SUPT6H: variants seen among roughly 807,000 people sequenced by gnomAD.
SUPT6H encodes the protein SPT6 homolog, histone chaperone and transcription elongation factor, also known as transcription elongation factor SPT6.
Under a neutral mutation model 222.3 loss-of-function variants are expected in SUPT6H, and 11 were observed. That is an observed-to-expected ratio of 0.05 (90% CI 0.03 to 0.08). The LOEUF (loss-of-function observed/expected upper bound fraction) is 0.08, where lower values mean the gene tolerates loss of function less well. Among genes scored for constraint, SUPT6H ranks in the 10% least tolerant of loss-of-function variants. The pLI, the probability that SUPT6H is intolerant of heterozygous loss-of-function variation, is 1.00. For missense variants in SUPT6H, 1,422 were observed against 2,216.0 expected, an observed-to-expected ratio of 0.64 and a Z score of 7.19; for synonymous variants, 762 against 801.2, an observed-to-expected ratio of 0.95 and a Z score of 0.83.
chr17:28,684,776 C>T (rs1202548925), intron 18 of SUPT6H, 51 bp downstream of exon 18: 1 of 1,612,982 alleles, frequency 6.2e-7, no homozygotes, highest in Non-Finnish European at 8.5e-7. Flanking sequence ...TTCCTAATTT[C>T]ATTTTTCTCT....
intron 13 of SUPT6H, 68 bp from the exon 14 acceptor site, chr17:28,682,659 G>A: frequency 6.4e-7 from 1 of 1,573,290 alleles, no homozygotes; most frequent in Middle Eastern, 1.7e-4. Flanking sequence ...TCCAACTCCA[G>A]ATTCTGAAAG....
At chr17:28,667,698 T>C (rs1418868377) in intron 1 of SUPT6H, among the ~76,000 whole-genome samples, 1 of 151,684 alleles carries the variant, frequency 6.6e-6, no homozygotes, top group Non-Finnish European at 1.5e-5. Flanking sequence ...TATTCAGGCA[T>C]CACCTTTTCT....
At chr17:28,691,114 C>G (rs1321814431) in intron 27 of SUPT6H, 51 bp downstream of exon 27, 1 of 1,580,206 alleles carries the variant, frequency 6.3e-7, no homozygotes, top group African/African-American at 1.3e-5. Flanking sequence ...GTTGAATGAT[C>G]TCGGTGCCTA....
intron 29 of SUPT6H, among the ~76,000 whole-genome samples, chr17:28,696,197 T>C (rs2031903390): frequency 6.7e-6 from 1 of 148,212 alleles, no homozygotes; most frequent in African/African-American, 2.5e-5. Flanking sequence ...TCCCAGCTAC[T>C]GAGGCAGGAG....
Position 28,681,836 on chromosome 17 carries a change from G to A in SUPT6H, c.1499-46G>A, listed in dbSNP as rs1043507140. 3.3e-6 allele frequency: 5 copies of A among 1,534,984 alleles called. No individual in the cohort carries two copies. The African/African-American group carries it at 5.4e-5, about 17-fold the overall frequency. On this transcript the variant is annotated intron_variant, in intron 12 of 36. Transcript: ENST00000314616. ...CTCCTAATGTGTCAGATCCTTGGGA[G>A]TGATTGGAAACTAGAACCCTAAATC...
chr17:28,696,230 G>T (rs558052763), intron 29 of SUPT6H, among the ~76,000 whole-genome samples: 3 of 146,650 alleles, frequency 2.0e-5, no homozygotes, highest in African/African-American at 7.6e-5. Context: ...CCAGGAGTGA[G>T]AAGTTGCAGT....
intron 26 of SUPT6H, among the ~76,000 whole-genome samples, chr17:28,690,456 T>C (rs888378649): frequency 2.0e-5 from 3 of 152,200 alleles, no homozygotes; most frequent in South Asian, 2.1e-4. Context: ...AGTCTTCTTA[T>C]AGGCTTTATT....
Position 28,686,981 on chromosome 17 carries a change from A to G in SUPT6H, c.2701-107A>G. On this transcript the variant is annotated intron_variant, in intron 21 of 36. Coordinates refer to ENST00000314616, the MANE Select transcript of SUPT6H (RefSeq NM_003170.5). Reference sequence around the variant, plus strand: ...AATTAAATCGGTCTCAGGAAAAAAGATCCCAGAGAAGCAGAGAAAATGATT... The same window carrying G: ...AATTAAATCGGTCTCAGGAAAAAAGGTCCCAGAGAAGCAGAGAAAATGATT... 3 of 1,517,700 alleles carry G rather than the reference A, an allele frequency of 2.0e-6. No individual in the cohort carries two copies. In the East Asian group the frequency reaches 6.8e-5, roughly 34 times the overall value. 94.0% of individuals were successfully genotyped at this position (1,517,700 alleles called of 1,614,324 possible).
chr17:28,682,254 C>T (rs2151633084), intron 13 of SUPT6H: 2 of 390,874 alleles, frequency 5.1e-6, no homozygotes, highest in Non-Finnish European at 9.3e-6. Context: ...TGCCTTATAA[C>T]AGCCCATCAA....
chr17:28,678,292 C>T (rs963416818), intron 9 of SUPT6H, 100 bp downstream of exon 9: 22 of 1,089,990 alleles, frequency 2.0e-5, no homozygotes, highest in African/African-American at 1.3e-4. Flanking sequence ...CTTCCCGTAT[C>T]CCCTATCCAT....
At chr17:28,663,894 C>T (rs2072117617) in intron 1 of SUPT6H, among the ~76,000 whole-genome samples, 1 of 120,944 alleles carries the variant, frequency 8.3e-6, no homozygotes, top group South Asian at 2.8e-4. Context: ...GCAGTGGCCC[C>T]ATCATAGCTC....
In SUPT6H at chr17:28,688,906, A is replaced by G. The variant is rs1182088957; in HGVS notation, c.3135-448A>G. ...GGAAAATAGCTATCAGCAAATTTTC[A>G]AAGGTTTTTTTCCCCTTTCTTGATT... On this transcript the variant is annotated intron_variant, in intron 24 of 36. Transcript: ENST00000314616. This position sits in a 1 kb window ranked among gnomAD's most constrained non-coding sequence, Gnocchi z 4.3. 1 of 165,854 alleles carries G rather than the reference A, an allele frequency of 6.0e-6. No homozygotes were observed. The highest frequency in any genetic ancestry group is 1.3e-5 in the Non-Finnish European group (1 of 76,888). The allele number at this position is 165,854 out of a possible 1,614,324, so 10.3% of individuals were successfully genotyped here.
At chr17:28,692,853 T>C (rs1439963436) in intron 27 of SUPT6H, among the ~76,000 whole-genome samples, 1 of 146,464 alleles carries the variant, frequency 6.8e-6, no homozygotes, top group Non-Finnish European at 1.5e-5. Context: ...TACAAAAAAT[T>C]AGCTGGGCAT....
chr17:28,675,665 T>C (rs2030701024), intron 6 of SUPT6H, among the ~76,000 whole-genome samples, 180 bp downstream of exon 6: 1 of 152,224 alleles, frequency 6.6e-6, no homozygotes. Context: ...CCCTGGGAGC[T>C]GTCTCTGCAC....
At chr17:28,683,243 C>T (rs1382943662) in intron 15 of SUPT6H, 25 bp from the exon 16 acceptor site, 1 of 1,610,664 alleles carries the variant, frequency 6.2e-7, no homozygotes, top group South Asian at 1.1e-5. Context: ...TCCGCAGGCT[C>T]ATGATTCCCC....
chr17:28,677,913 G>A (rs2030857768), intron 8 of SUPT6H, 97 bp downstream of exon 8: 17 of 1,342,524 alleles, frequency 1.3e-5, no homozygotes, highest in Non-Finnish European at 1.5e-5. Flanking sequence ...CCGTGTGCCT[G>A]GTATTAGAAA....
At chr17:28,675,360 G>C in intron 5 of SUPT6H, 41 bp from the exon 6 acceptor site, 2 of 1,607,826 alleles carry the variant, frequency 1.2e-6, no homozygotes, top group Non-Finnish European at 1.7e-6. Flanking sequence ...TCCTGGCTCA[G>C]CCCCTGACTC....
Position 28,701,431 on chromosome 17 carries a change from C to A in SUPT6H, c.4995-8C>A. Reference sequence around the variant, plus strand: ...AAGTCCCAATCTCAACTTTTCTTCCCCTCCCAGGTCCAACAGCCATGCAGC... The same window carrying A: ...AAGTCCCAATCTCAACTTTTCTTCCACTCCCAGGTCCAACAGCCATGCAGC... On this transcript the variant is annotated splice_polypyrimidine_tract_variant and splice_region_variant and intron_variant, in intron 36 of 36. Coordinates refer to ENST00000314616, the MANE Select transcript of SUPT6H (RefSeq NM_003170.5). 1 of 1,610,772 alleles carries A rather than the reference C, an allele frequency of 6.2e-7. No homozygotes were observed. The highest frequency in any genetic ancestry group is 8.5e-7 in the Non-Finnish European group (1 of 1,177,444).
intron 20 of SUPT6H, 65 bp from the exon 21 acceptor site, chr17:28,686,589 A>C: frequency 6.5e-7 from 1 of 1,549,024 alleles, no homozygotes; most frequent in Non-Finnish European, 8.7e-7. Flanking sequence ...CTTCACCCCC[A>C]AGGCAGTCAT....
Sources: gnomAD v4.1 joint callset for allele counts (sites outside exome capture counted in the v4.1 genomes callset) on GRCh38, gnomAD v4.1.1 for gene constraint, Gnocchi (gnomAD v3.1) non-coding constraint, MANE v1.5 for transcripts, NCBI Gene and HGNC (gene_info 2026-07-23, HGNC 2026-07-21) for gene names.